SINHCAF: variants seen among roughly 807,000 people sequenced by gnomAD.
SINHCAF encodes SIN3-HDAC complex associated factor.
A neutral mutation model predicts 25.8 loss-of-function variants in SINHCAF; 3 were observed. That is an observed-to-expected ratio of 0.12 (90% CI 0.05 to 0.30). The LOEUF (loss-of-function observed/expected upper bound fraction) is 0.30, where lower values mean the gene tolerates loss of function less well. Among genes scored for constraint, SINHCAF ranks in the 10% least tolerant of loss-of-function variants. The probability of loss-of-function intolerance (pLI) is 1.00; values close to 1 mark genes in which losing one functional copy is unlikely to be tolerated. For synonymous variants in SINHCAF, 70 were observed against 85.5 expected, an observed-to-expected ratio of 0.82 and a Z score of 1.00; for missense variants, 121 against 262.3, an observed-to-expected ratio of 0.46 and a Z score of 3.72.
chr12:31,298,756 G>T (rs1052032225), intron 1 of SINHCAF, among the ~76,000 whole-genome samples: 1 of 152,176 alleles, frequency 6.6e-6, no homozygotes, highest in African/African-American at 2.4e-5. Context: ...GATTTCTTCT[G>T]TGATAAATGG....
intron 1 of SINHCAF, among the ~76,000 whole-genome samples, chr12:31,302,271 G>A (rs952932018): frequency 6.6e-6 from 1 of 151,540 alleles, no homozygotes; most frequent in Admixed American, 6.6e-5. Flanking sequence ...TAGTGGTATG[G>A]TTGCAAAATT....
intron 4 of SINHCAF, among the ~76,000 whole-genome samples, chr12:31,290,325 G>A (rs1475074050): frequency 2.6e-5 from 4 of 151,740 alleles, no homozygotes; most frequent in African/African-American, 9.7e-5. Flanking sequence ...TATATTTTTA[G>A]TAGACAGGAT....
Position 31,298,147 on chromosome 12 carries a change from T to G in SINHCAF, c.58A>C (p.Arg20=). 6.2e-7 allele frequency: 1 copy of G among 1,614,216 alleles called. No individual in the cohort carries two copies. Among genetic ancestry groups the G allele is most frequent in the Non-Finnish European group, 8.5e-7 (1 of 1,180,032 alleles). ...AATCGAGAACTGGAGGACTTAGCTCTGCAAATACAGCAGCCCTCTATACTT... is the reference window on the plus strand; with the variant it reads ...AATCGAGAACTGGAGGACTTAGCTCGGCAAATACAGCAGCCCTCTATACTT... ...YRSIEGCCIC[R]AKSSSSRFTD... Residue 20 remains arginine (R), a synonymous_variant, in exon 2 of 6, where the codon AGA becomes CGA. Coordinates refer to ENST00000337682, the MANE Select transcript of SINHCAF (RefSeq NM_001135812.2).
At chr12:31,302,513 G>T (rs1938844489) in intron 1 of SINHCAF, among the ~76,000 whole-genome samples, 1 of 149,832 alleles carries the variant, frequency 6.7e-6, no homozygotes, top group Non-Finnish European at 1.5e-5. Context: ...AGACCAAGAT[G>T]GGAATCTCAA....
At position 31,319,603 on chromosome 12, in the gene SINHCAF, C is replaced by G. The variant is rs561160435; in HGVS notation, c.-21+6421G>C. Among the ~76,000 whole-genome samples the G allele has an allele frequency of 2.0e-5, 3 of 152,338 alleles. No individual in the cohort carries two copies. In the East Asian group the frequency reaches 5.8e-4, roughly 29 times the overall value. Reference sequence around the variant, plus strand: ...AACACAACATCAACACAAAGATCGGCACAAGGTATGCACTCAGCTCTGACA... The same window carrying G: ...AACACAACATCAACACAAAGATCGGGACAAGGTATGCACTCAGCTCTGACA... On this transcript the variant is annotated intron_variant, in intron 1 of 5. Transcript: ENST00000337682.
intron 1 of SINHCAF, chr12:31,298,453 C>T: frequency 2.3e-6 from 1 of 441,948 alleles, no homozygotes; most frequent in Middle Eastern, 4.0e-4. Context: ...TCTACTACCT[C>T]CTAACTCGCC....
intron 1 of SINHCAF, among the ~76,000 whole-genome samples, chr12:31,310,175 GA>G (rs1176635728): frequency 6.6e-6 from 1 of 152,170 alleles, no homozygotes; most frequent in African/African-American, 2.4e-5. Flanking sequence ...CCCTTGGGAG[GA>G]AGCCAAACCC....
chr12:31,305,590 C>T (rs768949996), intron 1 of SINHCAF, among the ~76,000 whole-genome samples: 12 of 152,260 alleles, frequency 7.9e-5, no homozygotes, highest in Middle Eastern at 3.4e-3. Flanking sequence ...GTCCATTCTA[C>T]CAATCCGGGG....
chr12:31,307,776 T>C (rs977321758), intron 1 of SINHCAF, among the ~76,000 whole-genome samples: 1 of 152,182 alleles, frequency 6.6e-6, no homozygotes, highest in South Asian at 2.1e-4. Context: ...AGAAGGGCTA[T>C]AGCTGATATT....
At chr12:31,314,607 T>C (rs1399007554) in intron 1 of SINHCAF, among the ~76,000 whole-genome samples, 1 of 152,136 alleles carries the variant, frequency 6.6e-6, no homozygotes, top group Non-Finnish European at 1.5e-5. Flanking sequence ...AAGATTTTTT[T>C]TTTTTAATAG....
rs1251302568 is a variant in SINHCAF at position 31,282,889 on chromosome 12, GAAC to G, written c.507-21_507-19del. 5.1e-6 allele frequency: 8 copies of G among 1,563,846 alleles called. No homozygotes were observed. The Admixed American group carries it at 1.4e-4, about 27-fold the overall frequency. On this transcript the variant is annotated intron_variant, in intron 5 of 5. Transcript: ENST00000337682. Reference sequence around the variant, plus strand: ...TCTTCTGTCTAAAAGAAAAAATGGAGAACAAGATACATTAATAAGGAAGAAAAA... The same window carrying G: ...TCTTCTGTCTAAAAGAAAAAATGGAGAAGATACATTAATAAGGAAGAAAAA...
At chr12:31,283,713 C>T (rs1231137648) in intron 5 of SINHCAF, among the ~76,000 whole-genome samples, 2 of 151,990 alleles carry the variant, frequency 1.3e-5, no homozygotes, top group East Asian at 3.9e-4. Context: ...TCCTATGAAG[C>T]CCCCTGCAGG....
At chr12:31,298,271 A>G in intron 1 of SINHCAF, 47 bp from the exon 2 acceptor site, 2 of 1,605,032 alleles carry the variant, frequency 1.2e-6, no homozygotes, top group Non-Finnish European at 1.7e-6. Context: ...GGCTGTAACA[A>G]GGAACCATTA....
intron 1 of SINHCAF, among the ~76,000 whole-genome samples, chr12:31,312,356 T>TG (rs1939306370): frequency 6.7e-6 from 1 of 149,614 alleles, no homozygotes; most frequent in African/African-American, 2.4e-5. Context: ...TTTACGTATT[T>TG]TGTGTGTGTG....
chr12:31,283,855 TACACACACACACACACACACACAC>T (rs57162055), intron 5 of SINHCAF, among the ~76,000 whole-genome samples: 1 of 140,480 alleles, frequency 7.1e-6, no homozygotes, highest in African/African-American at 2.6e-5. Flanking sequence ...AGTTATCCAT[TACACACACACACACACACACACAC>T]ACACACACAC....
chr12:31,323,949 G>T (rs1321324508), intron 1 of SINHCAF: 3 of 455,700 alleles, frequency 6.6e-6, no homozygotes, highest in African/African-American at 6.0e-5. Context: ...CCCACCTTCC[G>T]TAAATCGTGC....
intron 2 of SINHCAF, among the ~76,000 whole-genome samples, chr12:31,296,319 C>T (rs985493198): frequency 3.9e-5 from 6 of 151,926 alleles, no homozygotes; most frequent in Admixed American, 6.6e-5. Flanking sequence ...GCACGTGCCA[C>T]CACGCCTGGC....
chr12:31,282,438 C>T lies in SINHCAF; in HGVS notation c.*274G>A, dbSNP rs1368965006. ...GGTCATTTAAGACCAGCCTGGCCAA[C>T]GTGGTGAAACCCCGTCTCTACTAAA... On this transcript the variant is annotated 3_prime_UTR_variant, in exon 6 of 6. Coordinates refer to ENST00000337682, the MANE Select transcript of SINHCAF (RefSeq NM_001135812.2). The T allele has an allele frequency of 1.1e-4, 28 of 257,710 alleles. No homozygotes were observed. Among genetic ancestry groups the T allele is most frequent in the African/African-American group, 5.1e-4 (23 of 45,042 alleles). 16.0% of individuals were successfully genotyped at this position (257,710 alleles called of 1,614,324 possible).
intron 1 of SINHCAF, among the ~76,000 whole-genome samples, chr12:31,314,839 C>T (rs957374502): frequency 6.6e-6 from 1 of 152,222 alleles, no homozygotes; most frequent in Non-Finnish European, 1.5e-5. Flanking sequence ...ATTCTTCAGT[C>T]ATCCTGGTCC....
Sources: allele counts gnomAD v4.1 joint callset (sites outside exome capture counted in the v4.1 genomes callset), GRCh38; gene constraint gnomAD v4.1.1; transcripts MANE v1.5; gene names NCBI Gene and HGNC (gene_info 2026-07-23, HGNC 2026-07-21).